DHX35: variants seen among roughly 807,000 people sequenced by gnomAD.
DHX35 encodes the protein DEAH-box helicase 35.
A neutral mutation model predicts 99.6 loss-of-function variants in DHX35; 84 were observed. The ratio of observed to expected loss-of-function variants is 0.84; its 90% CI spans 0.71 to 1.01. The LOEUF (loss-of-function observed/expected upper bound fraction) is 1.01, where lower values mean the gene tolerates loss of function less well. Among genes scored for constraint, DHX35 ranks in the 50% least tolerant of loss-of-function variants. The pLI is 0.00. For missense variants in DHX35, 852 were observed against 888.5 expected (o/e 0.96, Z 0.52); for synonymous variants, 331 against 316.2 (o/e 1.05, Z -0.50).
chr20:38,998,469 A>C (rs538692458), intron 8 of DHX35, among the ~76,000 whole-genome samples: 1 of 152,270 alleles, frequency 6.6e-6, no homozygotes, highest in African/African-American at 2.4e-5. Context: ...GGTACCAGGG[A>C]AGGAGCCTAT....
Position 39,002,777 on chromosome 20 carries a change from T to C in DHX35, c.761T>C (p.Val254Ala). 1 of 1,614,020 alleles carries C rather than the reference T, an allele frequency of 6.2e-7. No individual in the cohort carries two copies. Among genetic ancestry groups the C allele is most frequent in the East Asian group, 2.2e-5 (1 of 44,882 alleles). ...PVDIFYLQSP[V>A]PDYIKSTVET... ...CATCCCATTTGTCTTTTCAGTCCTGTTCCAGATTATATCAAATCAACTGTC... is the reference window on the plus strand; with the variant it reads ...CATCCCATTTGTCTTTTCAGTCCTGCTCCAGATTATATCAAATCAACTGTC... Residue 254 changes from valine (V) to alanine (A), a missense_variant, in exon 10 of 22, where the codon GTT becomes GCT. Val to Ala is a moderately conservative substitution (Grantham distance 64). Transcript: ENST00000252011.
chr20:39,004,526 A>G (rs939929483), intron 11 of DHX35, among the ~76,000 whole-genome samples: 3 of 152,252 alleles, frequency 2.0e-5, no homozygotes, highest in Non-Finnish European at 4.4e-5. Flanking sequence ...GTCAGTCAGG[A>G]GCAATAGAAA....
In DHX35 at chr20:38,962,427, G is replaced by A; in HGVS notation, c.40+20G>A. On this transcript the variant is annotated intron_variant, in intron 1 of 21. Transcript: ENST00000252011. Reference sequence around the variant, plus strand: ...GACCCGGTAAGGCCCTTGGTGGAACGCTGGGCAGATGCGGCGGCCTGACTT... The same window carrying A: ...GACCCGGTAAGGCCCTTGGTGGAACACTGGGCAGATGCGGCGGCCTGACTT... 3 of 1,611,082 alleles carry A rather than the reference G, an allele frequency of 1.9e-6. No individual in the cohort carries two copies. Among genetic ancestry groups the A allele is most frequent in the South Asian group, 1.1e-5 (1 of 90,636 alleles).
At chr20:39,011,036 G>A (rs781281744) in intron 13 of DHX35, among the ~76,000 whole-genome samples, 67 of 152,126 alleles carry the variant, frequency 4.4e-4, no homozygotes, top group Non-Finnish European at 8.1e-4. Context: ...GATTTGATTG[G>A]CCAGAGAGAG....
rs1284953274 is a variant in DHX35, at chr20:39,039,518, T to C, written c.*975T>C. 2 of 152,376 alleles carry C rather than the reference T, an allele frequency of 1.3e-5. No homozygotes were observed. The highest frequency in any genetic ancestry group is 2.9e-5 in the Non-Finnish European group (2 of 68,040). The allele number at this position is 152,376 out of a possible 1,614,324, so 9.4% of individuals were successfully genotyped here. A position where few individuals can be genotyped will look rare whatever the true frequency, so the allele number is the denominator to read the frequency against. On this transcript the variant is annotated 3_prime_UTR_variant, in exon 22 of 22. Coordinates refer to ENST00000252011, the MANE Select transcript of DHX35 (RefSeq NM_021931.4). ...TCAACACATGCCAGATGCAGATTTT[T>C]TCCCCCTTACTGTTTCAATGACCTT...
intron 21 of DHX35, 32 bp from the exon 22 acceptor site, chr20:39,038,467 C>T (rs913395958): frequency 6.2e-7 from 1 of 1,613,286 alleles, no homozygotes; most frequent in South Asian, 1.1e-5. Context: ...GTCTAATCAA[C>T]CCCAACTGTA....
rs2087202762 is a variant in DHX35 at position 39,039,023 on chromosome 20, C to T, written c.*480C>T. The T allele has an allele frequency of 6.2e-6, 1 of 162,236 alleles. No homozygotes were observed. Among genetic ancestry groups the T allele is most frequent in the Non-Finnish European group, 1.3e-5 (1 of 75,022 alleles). 10.0% of individuals were successfully genotyped at this position (162,236 alleles called of 1,614,324 possible). A position where few individuals can be genotyped will look rare whatever the true frequency, so the allele number is the denominator to read the frequency against. ...AGCATGTCTCTACGAATGAACGAAA[C>T]ATTGGGGATCTCTGCCGAAACCACC... On this transcript the variant is annotated 3_prime_UTR_variant, in exon 22 of 22. Transcript: ENST00000252011.
intron 12 of DHX35, among the ~76,000 whole-genome samples, chr20:39,007,072 C>T (rs2086630542): frequency 6.6e-6 from 1 of 152,190 alleles, no homozygotes; most frequent in African/African-American, 2.4e-5. Context: ...CTTCTTTATC[C>T]AGTATCCATC....
chr20:39,019,957 A>G (rs1347790551), intron 15 of DHX35, among the ~76,000 whole-genome samples: 1 of 152,136 alleles, frequency 6.6e-6, no homozygotes, highest in African/African-American at 2.4e-5. Flanking sequence ...TGACTTTTTT[A>G]GATTCCATAT....
chr20:39,012,387 A>G (rs1332914020), intron 13 of DHX35, among the ~76,000 whole-genome samples: 1 of 152,248 alleles, frequency 6.6e-6, no homozygotes, highest in Non-Finnish European at 1.5e-5. Flanking sequence ...TTATATGCAC[A>G]TCATTTACAG....
chr20:39,004,532 A>G (rs1037366726), intron 11 of DHX35, among the ~76,000 whole-genome samples: 14 of 152,256 alleles, frequency 9.2e-5, no homozygotes, highest in Non-Finnish European at 1.6e-4. Context: ...CAGGAGCAAT[A>G]GAAAAATTGG....
intron 3 of DHX35, chr20:38,977,797 CT>C: frequency 2.0e-6 from 1 of 505,712 alleles, no homozygotes; most frequent in South Asian, 1.6e-5. Context: ...GATTCTTGTC[CT>C]TTTGATCTTG....
chr20:39,023,372 C>CT (rs1348805763), intron 16 of DHX35, among the ~76,000 whole-genome samples: 3 of 152,046 alleles, frequency 2.0e-5, no homozygotes, highest in African/African-American at 7.2e-5. Flanking sequence ...TTCTTTCTTT[C>CT]TTTTTTTCTT....
chr20:38,963,691 C>T (rs1175618328), intron 1 of DHX35, among the ~76,000 whole-genome samples: 1 of 152,202 alleles, frequency 6.6e-6, no homozygotes, highest in Non-Finnish European at 1.5e-5. Context: ...TGGAATTACT[C>T]TTAAGAGTTC....
Position 39,039,282 on chromosome 20 carries a change from G to A in DHX35, c.*739G>A, listed in dbSNP as rs2087207885. ...CCACGCTAGCTGAGCACTCAGGAGA[G>A]TTCATCAGCTCAGATCCCACAGGGC... On this transcript the variant is annotated 3_prime_UTR_variant, in exon 22 of 22. Transcript: ENST00000252011. The A allele has an allele frequency of 6.5e-6, 1 of 152,728 alleles. No homozygotes were observed. Among genetic ancestry groups the A allele is most frequent in the Admixed American group, 6.5e-5 (1 of 15,286 alleles). The allele number at this position is 152,728 out of a possible 1,614,324, so 9.5% of individuals were successfully genotyped here.
At chr20:38,979,605 C>T (rs1482801254) in intron 3 of DHX35, among the ~76,000 whole-genome samples, 1 of 152,136 alleles carries the variant, frequency 6.6e-6, no homozygotes, top group Non-Finnish European at 1.5e-5. Context: ...TTCCCCGTAC[C>T]TGAGACAGTC....
At chr20:38,972,983 C>T (rs1473911914) in intron 3 of DHX35, among the ~76,000 whole-genome samples, 1 of 152,052 alleles carries the variant, frequency 6.6e-6, no homozygotes, top group African/African-American at 2.4e-5. Context: ...ATGAATTTTG[C>T]TGTAGTTGTA....
chr20:38,980,511 G>GTTTTTTTTTTTTTTTTTTTTT (rs397953645), intron 3 of DHX35, among the ~76,000 whole-genome samples: 1 of 136,994 alleles, frequency 7.3e-6, no homozygotes, highest in African/African-American at 2.7e-5. Flanking sequence ...TTATAGTTCT[G>GTTTTTTTTTTTTTTTTTTTTT]TTTTTTTTTT....
chr20:39,006,625 C>T (rs1317642124), intron 12 of DHX35, among the ~76,000 whole-genome samples: 2 of 152,146 alleles, frequency 1.3e-5, no homozygotes, highest in Non-Finnish European at 2.9e-5. Context: ...CCTGTGTAGC[C>T]ATTTGTCCCT....
Sources: gnomAD v4.1 joint callset for allele counts (sites outside exome capture counted in the v4.1 genomes callset) on GRCh38, gnomAD v4.1.1 for gene constraint, MANE v1.5 for transcripts, NCBI Gene and HGNC (gene_info 2026-07-23, HGNC 2026-07-21) for gene names.